SUCLG2: variants seen among roughly 807,000 people sequenced by gnomAD.
The protein encoded by SUCLG2 is succinate--CoA ligase [GDP-forming] subunit beta, mitochondrial.
Under a neutral mutation model 47.9 loss-of-function variants are expected in SUCLG2, and 42 were observed. The observed-to-expected ratio is 0.88, with a 90% CI of 0.69 to 1.14. The LOEUF (loss-of-function observed/expected upper bound fraction) is 1.14. SUCLG2 is among the 50% of genes most tolerant of loss of function. The pLI, the probability that SUCLG2 is intolerant of heterozygous loss-of-function variation, is 0.00. For missense variants in SUCLG2, 571 were observed against 525.9 expected (o/e 1.09, Z -0.84); for synonymous variants, 195 against 197.3 (o/e 0.99, Z 0.10).
chr3:67,430,326 TG>T (rs1227731755), intron 9 of SUCLG2, among the ~76,000 whole-genome samples: 1 of 152,162 alleles, frequency 6.6e-6, no homozygotes, highest in Non-Finnish European at 1.5e-5. Flanking sequence ...ACATGGAAAC[TG>T]AACAACCTGC....
intron 2 of SUCLG2, among the ~76,000 whole-genome samples, chr3:67,570,401 C>G (rs1041892293): frequency 5.9e-5 from 9 of 152,204 alleles, no homozygotes; most frequent in Admixed American, 5.2e-4. Context: ...AAAATCTGGC[C>G]TTGCCCAAAG....
rs570000503 is a variant in SUCLG2 at position 67,443,383 on chromosome 3, G to A, written c.1063-42532C>T. On this transcript the variant is annotated intron_variant, in intron 9 of 10. Transcript: ENST00000307227. ...CTCGGGAGGCAGCGGCTGGAGGAGC[G>A]GACGGGCCCCGCGGGGCCCGAGGGC... is the stretch of plus-strand genomic sequence containing the variant. Among the ~76,000 whole-genome samples, 5 of 66,518 alleles carry A rather than the reference G, an allele frequency of 7.5e-5. 2 individuals are homozygous for A. The South Asian group carries it at 1.9e-3, about 25-fold the overall frequency. The allele number at this position is 66,518 out of a possible 152,430, so 43.6% of individuals were successfully genotyped here.
At chr3:67,408,139 T>A (rs774134439) in intron 9 of SUCLG2, among the ~76,000 whole-genome samples, 1 of 152,204 alleles carries the variant, frequency 6.6e-6, no homozygotes, top group Non-Finnish European at 1.5e-5. Context: ...GCTGAAATTA[T>A]GGCAAGCTGC....
intron 9 of SUCLG2, among the ~76,000 whole-genome samples, chr3:67,426,758 T>C (rs887653092): frequency 6.6e-6 from 1 of 152,092 alleles, no homozygotes; most frequent in Admixed American, 6.6e-5. Flanking sequence ...TGAAACCCCA[T>C]CTCTACAAAA....
chr3:67,408,779 A>T, intron 9 of SUCLG2: 1 of 1,354,672 alleles, frequency 7.4e-7, no homozygotes, highest in Non-Finnish European at 9.5e-7. Context: ...ATGTATTATA[A>T]CTTTCCCTGG....
Position 67,654,495 on chromosome 3 carries a change from A to G in SUCLG2, c.84+8T>C. On this transcript the variant is annotated splice_region_variant and intron_variant, in intron 1 of 10. Transcript: ENST00000307227. The stretch of plus-strand genomic sequence containing the variant: ...GCTGGCGCCCGCAGCTCCTGCCCCC[A>G]CGCTCACCTGGGACCCGGCCGCCAG... 8.1e-7 allele frequency: 1 copy of G among 1,236,192 alleles called. No individual in the cohort carries two copies. Among genetic ancestry groups the G allele is most frequent in the Non-Finnish European group, 1.0e-6 (1 of 989,138 alleles). 76.6% of individuals were successfully genotyped at this position (1,236,192 alleles called of 1,614,324 possible).
chr3:67,440,419 A>C (rs1221261968), intron 9 of SUCLG2, among the ~76,000 whole-genome samples: 1 of 152,216 alleles, frequency 6.6e-6, no homozygotes, highest in Non-Finnish European at 1.5e-5. Context: ...GCACAGAAAA[A>C]GAAATTATCA....
At chr3:67,477,397 T>A (rs1485627149) in intron 9 of SUCLG2, among the ~76,000 whole-genome samples, 1 of 152,186 alleles carries the variant, frequency 6.6e-6, no homozygotes, top group Non-Finnish European at 1.5e-5. Flanking sequence ...AGTCTGTAAT[T>A]AGAAAACTGG....
chr3:67,448,652 C>CAA (rs1475827114), intron 9 of SUCLG2, among the ~76,000 whole-genome samples: 1 of 152,128 alleles, frequency 6.6e-6, no homozygotes, highest in Non-Finnish European at 1.5e-5. Context: ...CTTTTTGTTT[C>CAA]AAAAAGTAGA....
intron 10 of SUCLG2, 118 bp downstream of exon 10, chr3:67,400,613 A>G (rs68010988): frequency 0.19 from 274,457 of 1,430,706 alleles, 28,454 homozygotes; most frequent in African/African-American, 0.38. Context: ...TGTTTGTTTC[A>G]TCTTACACAA....
chr3:67,617,463 A>G (rs563292247), intron 1 of SUCLG2, among the ~76,000 whole-genome samples: 1 of 152,346 alleles, frequency 6.6e-6, no homozygotes, highest in African/African-American at 2.4e-5. Flanking sequence ...GGGTACTGAC[A>G]CTGTTCTTTT....
At chr3:67,427,106 G>C (rs1703322157) in intron 9 of SUCLG2, among the ~76,000 whole-genome samples, 1 of 152,110 alleles carries the variant, frequency 6.6e-6, no homozygotes, top group South Asian at 2.1e-4. Context: ...TTTTTTTGCT[G>C]AATGAAACTG....
At chr3:67,367,050 A>C (rs1027642567) in intron 10 of SUCLG2, among the ~76,000 whole-genome samples, 2 of 152,226 alleles carry the variant, frequency 1.3e-5, no homozygotes, top group African/African-American at 4.8e-5. Flanking sequence ...CGCATATTAT[A>C]GAAAAAATTA....
intron 9 of SUCLG2, among the ~76,000 whole-genome samples, chr3:67,494,539 T>C (rs920303455): frequency 6.6e-6 from 1 of 152,080 alleles, no homozygotes; most frequent in African/African-American, 2.4e-5. Flanking sequence ...GCGAGGAGGA[T>C]ACCTTGGGCC....
intron 9 of SUCLG2, among the ~76,000 whole-genome samples, chr3:67,428,062 G>A (rs187797654): frequency 6.6e-6 from 1 of 152,300 alleles, no homozygotes; most frequent in East Asian, 1.9e-4. Context: ...ACAAAAGGCA[G>A]CAGGAACTTC....
chr3:67,520,962 T>G (rs557017593), intron 4 of SUCLG2, among the ~76,000 whole-genome samples: 1 of 152,194 alleles, frequency 6.6e-6, no homozygotes, highest in Non-Finnish European at 1.5e-5. Context: ...TTATTTTAAT[T>G]TGAGATATTA....
At chr3:67,493,270 G>A (rs1705249543) in intron 9 of SUCLG2, among the ~76,000 whole-genome samples, 1 of 152,104 alleles carries the variant, frequency 6.6e-6, no homozygotes, top group African/African-American at 2.4e-5. Context: ...ACATTTCTAT[G>A]TTTTTTAACT....
At chr3:67,443,090 A>T (rs577932109) in intron 9 of SUCLG2, among the ~76,000 whole-genome samples, 1 of 152,354 alleles carries the variant, frequency 6.6e-6, no homozygotes, top group East Asian at 1.9e-4. Flanking sequence ...AACTACTTAC[A>T]TAGCAAGTAC....
chr3:67,371,778 A>C (rs1335049693), downstream of SUCLG2, among the ~76,000 whole-genome samples: 2 of 152,192 alleles, frequency 1.3e-5, no homozygotes, highest in Admixed American at 1.3e-4. Flanking sequence ...CCCCATAGAT[A>C]CAAAACAAAG....
Sources: allele counts gnomAD v4.1 joint callset (sites outside exome capture counted in the v4.1 genomes callset), GRCh38; gene constraint gnomAD v4.1.1; transcripts MANE v1.5; gene names NCBI Gene and HGNC (gene_info 2026-07-23, HGNC 2026-07-21).